DCAF8: variants seen among roughly 807,000 people sequenced by gnomAD.
DCAF8 encodes DDB1 and CUL4 associated factor 8.
Under a neutral mutation model 68.0 loss-of-function variants are expected in DCAF8, and 20 were observed. The ratio of observed to expected loss-of-function variants is 0.29; its 90% CI spans 0.21 to 0.43. The LOEUF (loss-of-function observed/expected upper bound fraction) is 0.43. Ranked by LOEUF, DCAF8 falls within the 20% of genes least tolerant of loss-of-function variation. The pLI is 1.00. For synonymous variants in DCAF8, 230 were observed against 276.9 expected, an observed-to-expected ratio of 0.83 and a Z score of 1.68; for missense variants, 460 against 771.0, an observed-to-expected ratio of 0.60 and a Z score of 4.78.
chr1:160,222,281 T>C (rs1655327425), intron 11 of DCAF8, among the ~76,000 whole-genome samples: 1 of 152,194 alleles, frequency 6.6e-6, no homozygotes. Context: ...TTAGTTTAGT[T>C]TAAAGGGAAG....
intron 6 of DCAF8, among the ~76,000 whole-genome samples, chr1:160,236,334 ATG>A (rs1435965301): frequency 2.0e-5 from 3 of 151,236 alleles, no homozygotes; most frequent in Non-Finnish European, 2.9e-5. Context: ...ATAAATACAT[ATG>A]TGTGTATATG....
At chr1:160,236,029 G>A (rs887920517) in intron 6 of DCAF8, among the ~76,000 whole-genome samples, 7 of 152,096 alleles carry the variant, frequency 4.6e-5, no homozygotes, top group African/African-American at 1.2e-4. Flanking sequence ...GTGAGCCACC[G>A]TGCCCTGCCC....
At chr1:160,226,971 C>T (rs1655498444) in intron 7 of DCAF8, among the ~76,000 whole-genome samples, 1 of 152,174 alleles carries the variant, frequency 6.6e-6, no homozygotes, top group African/African-American at 2.4e-5. Context: ...AATTAGATCT[C>T]CAAGGGAAAA....
In DCAF8 at chr1:160,217,156, A is replaced by G. The variant is rs1655144934; in HGVS notation, c.*436T>C. 1 of 154,938 alleles carries G rather than the reference A, an allele frequency of 6.5e-6. No homozygotes were observed. The highest frequency in any genetic ancestry group is 2.4e-5 in the African/African-American group (1 of 41,484). The allele number at this position is 154,938 out of a possible 1,614,324, so 9.6% of individuals were successfully genotyped here. ...AAAACAAAGGAAGAAAAGGTCAAAA[A>G]CCTAAACCAAAGAGAGAGTGGCACT... On this transcript the variant is annotated 3_prime_UTR_variant, in exon 14 of 14. Coordinates refer to ENST00000368074, the MANE Select transcript of DCAF8 (RefSeq NM_015726.4).
In DCAF8 at chr1:160,261,322, G is replaced by A. The variant is rs1309609868; in HGVS notation, c.-64C>T. On this transcript the variant is annotated 5_prime_UTR_variant, in exon 2 of 14. Transcript: ENST00000368074. ...TATCACTGAAGTAAGGCCAGGCTGA[G>A]CTCCTGAGAAAATAGGTCTGTAGAT... The A allele has an allele frequency of 6.6e-6, 1 of 152,182 alleles. No homozygotes were observed. The highest frequency in any genetic ancestry group is 6.5e-5 in the Admixed American group (1 of 15,274). 9.4% of individuals were successfully genotyped at this position (152,182 alleles called of 1,614,324 possible). A position where few individuals can be genotyped will look rare whatever the true frequency, so the allele number is the denominator to read the frequency against.
At chr1:160,224,617 T>G in intron 9 of DCAF8, 68 bp from the exon 10 acceptor site, 3 of 1,244,416 alleles carry the variant, frequency 2.4e-6, no homozygotes, top group Non-Finnish European at 3.5e-6. Context: ...AGGTGGGGGT[T>G]GGGGTGGGGC....
rs374592604 is a variant in DCAF8, at chr1:160,238,754, T to C, written c.724-7A>G. 9.5e-6 allele frequency: 15 copies of C among 1,581,610 alleles called. No individual in the cohort carries two copies. In the African/African-American group the frequency reaches 2.1e-4, roughly 22 times the overall value. ...TGTTAGGAAGAAACTTGGCCTGGGG[T>C]GTTAAAAATGAAAAAAAGGACACAC... On this transcript the variant is annotated splice_polypyrimidine_tract_variant and splice_region_variant and intron_variant, in intron 4 of 13. Transcript: ENST00000368074.
At chr1:160,236,496 G>T (rs1306215615) in intron 6 of DCAF8, among the ~76,000 whole-genome samples, 1 of 151,616 alleles carries the variant, frequency 6.6e-6, no homozygotes, top group Non-Finnish European at 1.5e-5. Context: ...AAGGACGGAG[G>T]GAGGGAAAAA....
At chr1:160,253,040 A>G (rs1046565021) in intron 2 of DCAF8, among the ~76,000 whole-genome samples, 6 of 152,252 alleles carry the variant, frequency 3.9e-5, no homozygotes, top group African/African-American at 1.4e-4. Context: ...ATCATATCTC[A>G]CTAAAACAAA....
intron 7 of DCAF8, among the ~76,000 whole-genome samples, chr1:160,227,321 G>T (rs1655512398): frequency 6.6e-6 from 1 of 152,182 alleles, no homozygotes; most frequent in South Asian, 2.1e-4. Context: ...GTTTGCTTTG[G>T]CAGTTAGGTT....
chr1:160,221,065 C>T (rs1655279891), intron 11 of DCAF8: 1 of 152,238 alleles, frequency 6.6e-6, no homozygotes, highest in Non-Finnish European at 1.5e-5. Flanking sequence ...GCCCACCCAT[C>T]CCAAGTAGAT....
At chr1:160,258,108 A>G (rs530381128) in intron 2 of DCAF8, among the ~76,000 whole-genome samples, 3 of 152,286 alleles carry the variant, frequency 2.0e-5, no homozygotes, top group African/African-American at 7.2e-5. Flanking sequence ...GCACTCTGGG[A>G]GGCTGAGGCA....
At chr1:160,223,715 T>C (rs1005901221) in intron 10 of DCAF8, among the ~76,000 whole-genome samples, 1 of 152,106 alleles carries the variant, frequency 6.6e-6, no homozygotes, top group African/African-American at 2.4e-5. Flanking sequence ...TTGGGCAACA[T>C]GGTGAAACCC....
At chr1:160,244,110 TAAC>T in intron 2 of DCAF8, 76 bp from the exon 3 acceptor site, 1 of 1,060,792 alleles carries the variant, frequency 9.4e-7, no homozygotes, top group Non-Finnish European at 1.5e-6. Context: ...CAAGGAGATT[TAAC>T]AATGTACAGG....
At position 160,238,595 on chromosome 1, in the gene DCAF8, G is replaced by C. The variant is rs376143884; in HGVS notation, c.864+12C>G. ...TTGGATTGCACAAATTTTGGAGCAA[G>C]GTCTTACTTACCTTGTGGGACGCTC... On this transcript the variant is annotated intron_variant, in intron 5 of 13. Transcript: ENST00000368074. 41 of 1,585,886 alleles carry C rather than the reference G, an allele frequency of 2.6e-5. No individual in the cohort carries two copies. Among genetic ancestry groups the C allele is most frequent in the Non-Finnish European group, 3.3e-5 (39 of 1,166,028 alleles).
intron 2 of DCAF8, among the ~76,000 whole-genome samples, chr1:160,258,127 G>A (rs1198143663): frequency 1.3e-5 from 2 of 151,670 alleles, no homozygotes; most frequent in Non-Finnish European, 2.9e-5. Flanking sequence ...CAGGAGGATT[G>A]CTTGAGCCCA....
intron 2 of DCAF8, among the ~76,000 whole-genome samples, chr1:160,258,112 T>C (rs1571117899): frequency 6.6e-6 from 1 of 151,670 alleles, no homozygotes; most frequent in African/African-American, 2.4e-5. Context: ...TCTGGGAGGC[T>C]GAGGCAGGAG....
intron 2 of DCAF8, among the ~76,000 whole-genome samples, chr1:160,254,929 GATA>G (rs1475291169): frequency 6.6e-6 from 1 of 152,174 alleles, no homozygotes; most frequent in East Asian, 1.9e-4. Context: ...TGTAAAATGG[GATA>G]ATATTACCAC....
intron 2 of DCAF8, among the ~76,000 whole-genome samples, chr1:160,252,237 A>AT (rs1370631739): frequency 2.6e-4 from 40 of 152,234 alleles, no homozygotes; most frequent in Non-Finnish European, 1.0e-4. Context: ...CAATTAATCA[A>AT]TTAGGAAAAA....
Sources: allele counts gnomAD v4.1 joint callset (sites outside exome capture counted in the v4.1 genomes callset), GRCh38; gene constraint gnomAD v4.1.1; transcripts MANE v1.5; gene names NCBI Gene and HGNC (gene_info 2026-07-23, HGNC 2026-07-21).